Variants in ABI3BP observed in about 807,000 individuals in gnomAD.
ABI3BP encodes target of Nesh-SH3.
ABI3BP carries 216 observed loss-of-function variants against 268.6 expected under a neutral mutation model. The ratio of observed to expected loss-of-function variants is 0.80; its 90% CI spans 0.72 to 0.90. The LOEUF is 0.90. ABI3BP is among the 40% of genes least tolerant of loss of function. ABI3BP has a pLI of 0.00. For synonymous variants in ABI3BP, 730 were observed against 730.0 expected (o/e 1.00, Z 0.00); for missense variants, 2,090 against 2,182.4 (o/e 0.96, Z 0.84).
chr3:100,775,456 G>T, intron 59 of ABI3BP, 121 bp from the exon 60 acceptor site: 2 of 1,313,818 alleles, frequency 1.5e-6, no homozygotes, highest in Non-Finnish European at 1.0e-6. Flanking sequence ...TATAGACCAG[G>T]CTTGGAGAGA....
chr3:100,791,925 A>G (rs968238914), intron 55 of ABI3BP, among the ~76,000 whole-genome samples: 1 of 151,864 alleles, frequency 6.6e-6, no homozygotes, highest in Non-Finnish European at 1.5e-5. Flanking sequence ...ATAATGGGCA[A>G]CATACATTTA....
At chr3:100,908,519 G>A (rs1480711807) in intron 2 of ABI3BP, among the ~76,000 whole-genome samples, 1 of 150,332 alleles carries the variant, frequency 6.7e-6, no homozygotes, top group African/African-American at 2.5e-5. Context: ...CATAATCTCA[G>A]CCCAAAATCT....
chr3:100,872,242 A>G (rs1165672158), intron 9 of ABI3BP, among the ~76,000 whole-genome samples: 1 of 152,190 alleles, frequency 6.6e-6, no homozygotes, highest in East Asian at 1.9e-4. Flanking sequence ...TACTATTTGC[A>G]TTTATTTTTT....
At chr3:100,941,024 G>A (rs887370361) in intron 1 of ABI3BP, among the ~76,000 whole-genome samples, 3 of 150,102 alleles carry the variant, frequency 2.0e-5, no homozygotes, top group Non-Finnish European at 4.4e-5. Context: ...TAAATCTAAA[G>A]AATAATTACA....
At chr3:100,836,587 GCCT>G (rs1232206871) in intron 27 of ABI3BP, among the ~76,000 whole-genome samples, 3 of 152,106 alleles carry the variant, frequency 2.0e-5, no homozygotes, top group Admixed American at 1.3e-4. Context: ...ATAATTAATT[GCCT>G]TCAAACAAAA....
At chr3:100,944,433 G>A (rs930679775) in intron 1 of ABI3BP, among the ~76,000 whole-genome samples, 12 of 151,994 alleles carry the variant, frequency 7.9e-5, no homozygotes, top group African/African-American at 2.9e-4. Flanking sequence ...TTATTTACAG[G>A]ACAAAGCAGA....
At chr3:100,890,984 C>T (rs1582153500) in intron 4 of ABI3BP, among the ~76,000 whole-genome samples, 1 of 143,724 alleles carries the variant, frequency 7.0e-6, no homozygotes, top group Non-Finnish European at 1.5e-5. Context: ...AACTGGTCAA[C>T]TTTTTTTTTT....
chr3:100,990,584 G>A (rs1369325039), intron 1 of ABI3BP, among the ~76,000 whole-genome samples: 1 of 148,064 alleles, frequency 6.8e-6, no homozygotes, highest in South Asian at 2.1e-4. Flanking sequence ...ATATAATTTT[G>A]TATATATAAT....
intron 3 of ABI3BP, among the ~76,000 whole-genome samples, chr3:100,901,905 G>T (rs542691726): frequency 4.3e-4 from 66 of 152,232 alleles, no homozygotes; most frequent in African/African-American, 1.6e-3. Flanking sequence ...GATCTGAGAA[G>T]AAGTTTTGGT....
chr3:100,944,414 T>A (rs2071097032), intron 1 of ABI3BP, among the ~76,000 whole-genome samples: 1 of 152,150 alleles, frequency 6.6e-6, no homozygotes, highest in African/African-American at 2.4e-5. Flanking sequence ...TTAAGTTTAA[T>A]CAGAGTGATT....
At chr3:100,911,985 G>T in intron 2 of ABI3BP, 1 of 821,146 alleles carries the variant, frequency 1.2e-6, no homozygotes, top group Non-Finnish European at 2.1e-6. Context: ...GCTAAAAAAA[G>T]CATGGAATAT....
At chr3:100,773,790 A>G (rs1051255161) in intron 61 of ABI3BP, among the ~76,000 whole-genome samples, 2 of 152,270 alleles carry the variant, frequency 1.3e-5, no homozygotes, top group Non-Finnish European at 2.9e-5. Flanking sequence ...ACATGCAGCA[A>G]CATAGAGAAA....
At chr3:100,961,122 C>A (rs184720616) in intron 1 of ABI3BP, among the ~76,000 whole-genome samples, 1 of 152,206 alleles carries the variant, frequency 6.6e-6, no homozygotes, top group African/African-American at 2.4e-5. Flanking sequence ...AATAGTAAGG[C>A]ACAACAAAGG....
intron 1 of ABI3BP, among the ~76,000 whole-genome samples, chr3:100,992,109 G>T (rs1323929340): frequency 6.6e-6 from 1 of 152,204 alleles, no homozygotes; most frequent in South Asian, 2.1e-4. Context: ...GGTAGAAAAA[G>T]ATCTAAGAGT....
intron 6 of ABI3BP, among the ~76,000 whole-genome samples, chr3:100,881,700 A>G (rs1432697074): frequency 6.6e-6 from 1 of 151,740 alleles, no homozygotes; most frequent in East Asian, 1.9e-4. Context: ...AAGCATCATG[A>G]TAAATGTATC....
chr3:100,990,712 C>A (rs2092775423), intron 1 of ABI3BP, among the ~76,000 whole-genome samples: 1 of 151,922 alleles, frequency 6.6e-6, no homozygotes, highest in Non-Finnish European at 1.5e-5. Context: ...AGGTAGCATT[C>A]ACATGTACAC....
chr3:100,875,037 ATT>A (rs1186812756), intron 8 of ABI3BP, 104 bp from the exon 9 acceptor site: 1 of 579,614 alleles, frequency 1.7e-6, no homozygotes, highest in African/African-American at 1.9e-5. Context: ...CATAGCACTT[ATT>A]TTGCTTAGTA....
chr3:100,798,047 T>C (rs906600480), intron 51 of ABI3BP, among the ~76,000 whole-genome samples: 9 of 152,142 alleles, frequency 5.9e-5, no homozygotes, highest in African/African-American at 2.2e-4. Context: ...AAGCAGCCTT[T>C]AGTTTATAAA....
intron 63 of ABI3BP, among the ~76,000 whole-genome samples, chr3:100,757,950 A>G (rs1212071387): frequency 6.6e-6 from 1 of 152,186 alleles, no homozygotes; most frequent in Non-Finnish European, 1.5e-5. Flanking sequence ...TATAAGACCT[A>G]CCACATCAAA....
Sources: allele counts gnomAD v4.1 joint callset (sites outside exome capture counted in the v4.1 genomes callset), GRCh38; gene constraint gnomAD v4.1.1; transcripts MANE v1.5; gene names NCBI Gene and HGNC (gene_info 2026-07-23, HGNC 2026-07-21).